CNOT2: variants seen among roughly 807,000 people sequenced by gnomAD.
CNOT2 encodes CCR4-NOT transcription complex subunit 2.
CNOT2 carries 7 observed loss-of-function variants against 72.1 expected under a neutral mutation model. That is an observed-to-expected ratio of 0.10 (90% CI 0.06 to 0.18). The LOEUF is 0.18. Among genes scored for constraint, CNOT2 ranks in the 10% least tolerant of loss-of-function variants. The pLI is 1.00. For synonymous variants in CNOT2, 196 were observed against 225.6 expected, an observed-to-expected ratio of 0.87 and a Z score of 1.17; for missense variants, 345 against 660.3, an observed-to-expected ratio of 0.52 and a Z score of 5.23.
At chr12:70,346,658 G>A (rs955133370) in intron 15 of CNOT2, 7 of 168,436 alleles carry the variant, frequency 4.2e-5, no homozygotes, top group African/African-American at 1.7e-4. Context: ...GTAACTTTAA[G>A]CAAGGATGAG....
chr12:70,243,260 G>A (rs1477967833), upstream of CNOT2: 2 of 152,796 alleles, frequency 1.3e-5, no homozygotes, highest in South Asian at 2.1e-4. Context: ...GGGAAGTGAA[G>A]CGCCTCTCTC....
At chr12:70,251,760 A>T (rs1313525257) in intron 1 of CNOT2, among the ~76,000 whole-genome samples, 1 of 152,210 alleles carries the variant, frequency 6.6e-6, no homozygotes, top group Non-Finnish European at 1.5e-5. Flanking sequence ...GAAACTCTGT[A>T]GTCTATCTTT....
At chr12:70,291,323 A>G (rs187079611) in intron 2 of CNOT2, among the ~76,000 whole-genome samples, 4 of 152,358 alleles carry the variant, frequency 2.6e-5, no homozygotes, top group Admixed American at 2.0e-4. Flanking sequence ...TAATGAAAAT[A>G]TAAGATGTTT....
intron 2 of CNOT2, chr12:70,290,893 CT>C (rs923929719): frequency 5.9e-5 from 9 of 152,026 alleles, no homozygotes; most frequent in Non-Finnish European, 1.0e-4. Context: ...AGAGAATAAG[CT>C]TTTGTGTCAA....
At chr12:70,301,286 CT>C (rs1873917525) in intron 2 of CNOT2, among the ~76,000 whole-genome samples, 1 of 152,146 alleles carries the variant, frequency 6.6e-6, no homozygotes, top group Admixed American at 6.6e-5. Context: ...AGAGGGCATC[CT>C]TCTCTTGTGC....
chr12:70,264,796 A>C (rs1054170890), intron 1 of CNOT2, among the ~76,000 whole-genome samples: 1 of 152,212 alleles, frequency 6.6e-6, no homozygotes, highest in Non-Finnish European at 1.5e-5. Flanking sequence ...TGGCTCAGAT[A>C]CTATAGATTC....
At chr12:70,282,762 T>C (rs1391477897) in intron 2 of CNOT2, among the ~76,000 whole-genome samples, 2 of 152,232 alleles carry the variant, frequency 1.3e-5, no homozygotes, top group East Asian at 1.9e-4. Context: ...TTATAACTTA[T>C]TACATATATG....
intron 15 of CNOT2, among the ~76,000 whole-genome samples, chr12:70,352,818 T>C (rs1565843582): frequency 6.6e-6 from 1 of 152,190 alleles, no homozygotes; most frequent in African/African-American, 2.4e-5. Flanking sequence ...GGAAGTATCA[T>C]GAAGAAATTA....
chr12:70,301,289 C>G (rs949833496), intron 2 of CNOT2, among the ~76,000 whole-genome samples: 6 of 152,086 alleles, frequency 3.9e-5, no homozygotes, highest in African/African-American at 7.2e-5. Context: ...GGGCATCCTT[C>G]TCTTGTGCCA....
chr12:70,315,721 A>G (rs1202638365), intron 3 of CNOT2, among the ~76,000 whole-genome samples: 2 of 152,092 alleles, frequency 1.3e-5, no homozygotes, highest in East Asian at 3.9e-4. Flanking sequence ...TAGATTTCTG[A>G]GAGATATGGA....
At chr12:70,334,584 G>T (rs938789764) in intron 7 of CNOT2, 3 of 151,898 alleles carry the variant, frequency 2.0e-5, no homozygotes, top group Non-Finnish European at 4.4e-5. Flanking sequence ...CTAAAAGGAC[G>T]GTAGAAAGTT....
At chr12:70,255,130 T>C (rs896628651) in intron 1 of CNOT2, among the ~76,000 whole-genome samples, 2 of 151,984 alleles carry the variant, frequency 1.3e-5, no homozygotes, top group South Asian at 2.1e-4. Context: ...TTTTGCATGC[T>C]GAGGTCCTGA....
intron 2 of CNOT2, among the ~76,000 whole-genome samples, chr12:70,306,042 G>A (rs1875309645): frequency 6.6e-6 from 1 of 152,104 alleles, no homozygotes; most frequent in African/African-American, 2.4e-5. Context: ...GCCAACTTAA[G>A]TGGCTCCATT....
intron 1 of CNOT2, among the ~76,000 whole-genome samples, chr12:70,247,780 C>T (rs1957950766): frequency 6.6e-6 from 1 of 152,156 alleles, no homozygotes; most frequent in Non-Finnish European, 1.5e-5. Context: ...AATAGGTTCT[C>T]AATACGTATC....
intron 1 of CNOT2, among the ~76,000 whole-genome samples, chr12:70,256,859 A>G (rs906589505): frequency 3.9e-5 from 6 of 152,128 alleles, no homozygotes; most frequent in South Asian, 2.1e-4. Flanking sequence ...GACATCCATG[A>G]AAGTTTGCAT....
At chr12:70,250,268 A>G (rs1441926146) in intron 1 of CNOT2, among the ~76,000 whole-genome samples, 2 of 152,146 alleles carry the variant, frequency 1.3e-5, no homozygotes, top group Non-Finnish European at 2.9e-5. Flanking sequence ...CAACAGTAAA[A>G]TTCTGTGTAT....
chr12:70,292,283 C>A (rs7968203), intron 2 of CNOT2, among the ~76,000 whole-genome samples: 106,949 of 152,032 alleles, frequency 0.7, 37,941 homozygotes, highest in East Asian at 0.94. Flanking sequence ...TGACAAACCC[C>A]AACTGTGGGA....
chr12:70,339,060 GTATATA>G (rs1167840902), intron 11 of CNOT2, among the ~76,000 whole-genome samples: 2 of 134,554 alleles, frequency 1.5e-5, no homozygotes, highest in African/African-American at 6.3e-5. Flanking sequence ...GCATGTGCAT[GTATATA>G]TGTGTGTGTG....
At chr12:70,330,643 A>G (rs568188061) in intron 6 of CNOT2, 174 bp downstream of exon 6, 3 of 454,548 alleles carry the variant, frequency 6.6e-6, no homozygotes. Flanking sequence ...TTTCTTGAAA[A>G]TCAGGTTGAT....
Sources: gnomAD v4.1 joint callset for allele counts (sites outside exome capture counted in the v4.1 genomes callset) on GRCh38, gnomAD v4.1.1 for gene constraint, MANE v1.5 for transcripts, NCBI Gene and HGNC (gene_info 2026-07-23, HGNC 2026-07-21) for gene names.